AARS2: variants seen among roughly 807,000 people sequenced by gnomAD.
The protein encoded by AARS2 is alanyl-tRNA synthetase 2, mitochondrial.
In AARS2, 78 loss-of-function variants were observed where a neutral mutation model predicts 119.7. The ratio of observed to expected loss-of-function variants is 0.65; its 90% CI spans 0.54 to 0.79. AARS2 has a LOEUF of 0.79. Among genes scored for constraint, AARS2 ranks in the 30% least tolerant of loss-of-function variants. The pLI is 0.00. For synonymous variants in AARS2, 502 were observed against 526.3 expected (o/e 0.95, Z 0.63); for missense variants, 1,157 against 1,291.3 (o/e 0.90, Z 1.59).
rs760886175 is a variant in AARS2, at chr6:44,307,397, G to A, written c.895-3C>T. On this transcript the variant is annotated splice_region_variant and splice_polypyrimidine_tract_variant and intron_variant, in intron 5 of 21. Coordinates refer to ENST00000244571, the MANE Select transcript of AARS2 (RefSeq NM_020745.4). This position sits in a 1 kb window ranked among gnomAD's most constrained non-coding sequence, Gnocchi z 4.4. Reference sequence around the variant, plus strand: ...AAGTAAGGGGGTGCCCTGCAGCCCTGGGAAGCAGAAGAGTCAGCCAGTGGC... The same window carrying A: ...AAGTAAGGGGGTGCCCTGCAGCCCTAGGAAGCAGAAGAGTCAGCCAGTGGC... 1 of 1,599,400 alleles carries A rather than the reference G, an allele frequency of 6.3e-7. No homozygotes were observed. Among genetic ancestry groups the A allele is most frequent in the South Asian group, 1.1e-5 (1 of 88,894 alleles).
At chr6:44,312,936 C>T (rs1187936082) in intron 1 of AARS2, 145 bp downstream of exon 1, 6 of 1,280,374 alleles carry the variant, frequency 4.7e-6, no homozygotes, top group African/African-American at 2.9e-5. Context: ...GCGCCGTACC[C>T]CCATCACTTT....
In AARS2 at chr6:44,300,615, T is replaced by C; in HGVS notation, c.2890A>G (p.Thr964Ala). The C allele has an allele frequency of 6.2e-7, 1 of 1,614,020 alleles. No homozygotes were observed. Among genetic ancestry groups the C allele is most frequent in the Non-Finnish European group, 8.5e-7 (1 of 1,180,030 alleles). The change falls in exon 22 of 22, where the codon ACC becomes GCC. Residue 964 changes from threonine (T) to alanine (A), a missense_variant. Transcript: ENST00000244571. ...GCTTCCAGGTCAGTAGTGCTTCCGG[T>C]GCCTTGGGCCACCACTCGTGAGCCC... ...AWGSRVVAQG[T>A]GSTTDLEAAL... is the part of the protein sequence containing the mutation.
rs781139446 is a variant in AARS2, at chr6:44,303,325, C to T, written c.2106G>A (p.Ala702=). Residue 702 remains alanine (A), a synonymous_variant, in exon 15 of 22, where the codon GCG becomes GCA. Transcript: ENST00000244571. ...EAVYMEEVPL[A]LTAQVPGLRS... Reference sequence around the variant, plus strand: ...GCAGGCCAGGGACCTGGGCAGTGAGCGCCAGGGGCACCTCCTCCATGTACA... The same window carrying T: ...GCAGGCCAGGGACCTGGGCAGTGAGTGCCAGGGGCACCTCCTCCATGTACA... 24 of 1,613,888 alleles carry T rather than the reference C, an allele frequency of 1.5e-5. No individual in the cohort carries two copies. Among genetic ancestry groups the T allele is most frequent in the Admixed American group, 5.0e-5 (3 of 60,012 alleles).
At chr6:44,306,665 T>TG in intron 7 of AARS2, 133 bp from the exon 8 acceptor site, 1 of 1,146,160 alleles carries the variant, frequency 8.7e-7, no homozygotes, top group Non-Finnish European at 1.3e-6. Flanking sequence ...GGGACTCAAA[T>TG]GGGGAACTGG....
chr6:44,311,256 G>A, intron 3 of AARS2, 95 bp from the exon 4 acceptor site: 10 of 1,600,582 alleles, frequency 6.2e-6, no homozygotes, highest in Non-Finnish European at 8.6e-6. Flanking sequence ...TCACAGCTCA[G>A]CAAGAGGAGG....
rs1032623860 is a variant in AARS2 at position 44,304,994 on chromosome 6, C to T, written c.1579+60G>A. On this transcript the variant is annotated intron_variant, in intron 11 of 21. Transcript: ENST00000244571. ...AGGGGCTAGCAGCAACCATCTTGGA[C>T]ATTCTTCTTAGTCATGGTCAGGCAA... The T allele has an allele frequency of 4.3e-6, 7 of 1,613,588 alleles. No homozygotes were observed. In the Admixed American group the frequency reaches 1.0e-4, roughly 23 times the overall value.
At chr6:44,311,271 G>A (rs1464304227) in intron 3 of AARS2, 110 bp from the exon 4 acceptor site, 2 of 1,601,652 alleles carry the variant, frequency 1.2e-6, no homozygotes, top group African/African-American at 2.7e-5. Context: ...AGGAGGAACA[G>A]GGCTGACCCC....
At chr6:44,310,212 C>CT (rs1786225937) in intron 5 of AARS2, 87 bp downstream of exon 5, 4 of 1,494,686 alleles carry the variant, frequency 2.7e-6, no homozygotes, top group South Asian at 1.2e-5. Flanking sequence ...TGAGAACACT[C>CT]TGAGTTCTCA....
At chr6:44,313,035 G>GA (rs1377210171) in intron 1 of AARS2, 46 bp downstream of exon 1, 28 of 1,609,564 alleles carry the variant, frequency 1.7e-5, no homozygotes, top group Middle Eastern at 1.6e-4. Flanking sequence ...TTTCTCACCA[G>GA]AAAACTCACG....
Position 44,302,177 on chromosome 6 carries a change from C to T in AARS2, c.2488-7G>A, listed in dbSNP as rs1344861120. Reference sequence around the variant, plus strand: ...TCACAGCAGTTTCCACAGCCTATGGCCAGAAGCAGTACATCACCCCTGCCC... The same window carrying T: ...TCACAGCAGTTTCCACAGCCTATGGTCAGAAGCAGTACATCACCCCTGCCC... On this transcript the variant is annotated splice_polypyrimidine_tract_variant and splice_region_variant and intron_variant, in intron 18 of 21. Coordinates refer to ENST00000244571, the MANE Select transcript of AARS2 (RefSeq NM_020745.4). 1 of 1,614,030 alleles carries T rather than the reference C, an allele frequency of 6.2e-7. No homozygotes were observed. Among genetic ancestry groups the T allele is most frequent in the South Asian group, 1.1e-5 (1 of 91,088 alleles).
At chr6:44,304,991 G>A (rs1165351450) in intron 11 of AARS2, 63 bp downstream of exon 11, 3 of 1,613,314 alleles carry the variant, frequency 1.9e-6, no homozygotes, top group African/African-American at 2.7e-5. Flanking sequence ...CAACCATCTT[G>A]GACATTCTTC....
chr6:44,312,742 G>C (rs1339994172), intron 1 of AARS2, among the ~76,000 whole-genome samples: 1 of 152,150 alleles, frequency 6.6e-6, no homozygotes, highest in Admixed American at 6.5e-5. Flanking sequence ...TTAGAGAATA[G>C]TACTCAGCAA....
chr6:44,311,559 T>TG lies in AARS2; in HGVS notation c.436-25dup, dbSNP rs760636859. On this transcript the variant is annotated intron_variant, in intron 2 of 21. Transcript: ENST00000244571. ...TCCTGCAGCAGAAACCAGCATGGGG[T>TG]GGGGGGGGAAGACGGGTGAGAGGGA... 655 of 1,587,338 alleles carry TG rather than the reference T, an allele frequency of 4.1e-4. No homozygotes were observed. In the African/African-American group the frequency reaches 4.5e-3, roughly 11 times the overall value.
At position 44,299,237 on chromosome 6, in the gene AARS2, A is replaced by G. The variant is rs553722790; in HGVS notation, c.*1310T>C. On this transcript the variant is annotated 3_prime_UTR_variant, in exon 22 of 22. Coordinates refer to ENST00000244571, the MANE Select transcript of AARS2 (RefSeq NM_020745.4). Reference sequence around the variant, plus strand: ...ATTCTCTATTTCCCCCCCAGACCTCATCACCATCTGACACTTTCTCCCTTC... The same window carrying G: ...ATTCTCTATTTCCCCCCCAGACCTCGTCACCATCTGACACTTTCTCCCTTC... Among the ~76,000 whole-genome samples the G allele has an allele frequency of 7.8e-5, 11 of 141,908 alleles. No homozygotes were observed. Among genetic ancestry groups the G allele is most frequent in the African/African-American group, 2.6e-4 (10 of 39,092 alleles). 93.1% of individuals were successfully genotyped at this position (141,908 alleles called of 152,430 possible). A position where few individuals can be genotyped will look rare whatever the true frequency, so the allele number is the denominator to read the frequency against.
chr6:44,303,032 C>A (rs1321492865), intron 16 of AARS2, 34 bp downstream of exon 16: 2 of 1,611,640 alleles, frequency 1.2e-6, no homozygotes, highest in African/African-American at 1.3e-5. Context: ...GGATCCGGGG[C>A]CCCTGGGCCA....
At position 44,307,349 on chromosome 6, in the gene AARS2, C is replaced by T. The variant is rs546851135; in HGVS notation, c.940G>A (p.Glu314Lys). ...CGGTACGCTGTGTCTGTGCGCCCCTCGTCTGCCACCCCTACTCGGCCCAAG... is the reference window on the plus strand; with the variant it reads ...CGGTACGCTGTGTCTGTGCGCCCCTTGTCTGCCACCCCTACTCGGCCCAAG... The part of the protein sequence containing the change: ...PYLGRVGVAD[E>K]GRTDTAYRVV... Residue 314 changes from glutamate (E) to lysine (K), a missense_variant, in exon 6 of 22, where the codon GAG (glutamate) becomes AAG (lysine). Physicochemically the swap from Glu to Lys is moderately conservative, Grantham distance 56 (BLOSUM62 1). Transcript: ENST00000244571. The surrounding 1 kb of genome is among the most constrained non-coding windows in gnomAD (Gnocchi z 4.4). 4.1e-5 allele frequency: 66 copies of T among 1,611,296 alleles called. No homozygotes were observed. The East Asian group carries it at 8.0e-4, about 20-fold the overall frequency.
Position 44,303,511 on chromosome 6 carries a change from TGAGCTATCCCCAGGTTCTAGAATA to T in AARS2, c.2008-112_2008-89del. 1.9e-6 allele frequency: 3 copies of T among 1,591,110 alleles called. No individual in the cohort carries two copies. The Middle Eastern group carries it at 5.1e-4, about 268-fold the overall frequency. ...GCATTGAAACACGGTCAATGTTCAC[TGAGCTATCCCCAGGTTCTAGAATA>T]GTGGCTAGCACATAATAGGTGCTCA... On this transcript the variant is annotated intron_variant, in intron 14 of 21. Coordinates refer to ENST00000244571, the MANE Select transcript of AARS2 (RefSeq NM_020745.4).
chr6:44,303,017 G>A (rs528141636), intron 16 of AARS2, 49 bp downstream of exon 16: 1 of 1,608,916 alleles, frequency 6.2e-7, no homozygotes, highest in South Asian at 1.1e-5. Context: ...CCAAGGGAAG[G>A]GCAAGGATCC....
At position 44,307,325 on chromosome 6, in the gene AARS2, G is replaced by C. The variant is rs767748655; in HGVS notation, c.964C>G (p.Arg322Gly). 2 of 1,613,310 alleles carry C rather than the reference G, an allele frequency of 1.2e-6. No individual in the cohort carries two copies. The highest frequency in any genetic ancestry group is 2.2e-5 in the South Asian group (2 of 90,906). The part of the protein sequence containing the change: ...ADEGRTDTAY[R>G]VVADHIRTLS... ...GTGCGGATGTGGTCAGCCACCACGC[G>C]GTACGCTGTGTCTGTGCGCCCCTCG... Residue 322 changes from arginine to glycine, a missense_variant, in exon 6 of 22, where the codon CGC becomes GGC. Physicochemically the swap from Arg to Gly is moderately radical, Grantham distance 125. Coordinates refer to ENST00000244571, the MANE Select transcript of AARS2 (RefSeq NM_020745.4). The surrounding 1 kb of genome is among the most constrained non-coding windows in gnomAD (Gnocchi z 4.4).
Sources: gnomAD v4.1 joint callset for allele counts (sites outside exome capture counted in the v4.1 genomes callset) on GRCh38, gnomAD v4.1.1 for gene constraint, Gnocchi (gnomAD v3.1) non-coding constraint, MANE v1.5 for transcripts, NCBI Gene and HGNC (gene_info 2026-07-23, HGNC 2026-07-21) for gene names.